PPP6R2: variants seen among roughly 807,000 people sequenced by gnomAD.
PPP6R2 encodes protein phosphatase 6 regulatory subunit 2.
PPP6R2 carries 62 observed loss-of-function variants against 100.2 expected under a neutral mutation model. The observed-to-expected ratio is 0.62, with a 90% confidence interval of 0.50 to 0.76. The LOEUF is 0.76. Ranked by LOEUF, PPP6R2 falls within the 30% of genes least tolerant of loss-of-function variation. PPP6R2 has a pLI of 0.00. For synonymous variants in PPP6R2, 525 were observed against 514.7 expected, an observed-to-expected ratio of 1.02 and a Z score of -0.27; for missense variants, 1,142 against 1,276.3, an observed-to-expected ratio of 0.89 and a Z score of 1.60.
In PPP6R2 at chr22:50,414,681, G is replaced by A. The variant is rs759051410; in HGVS notation, c.544G>A (p.Val182Ile). Residue 182 changes from valine to isoleucine, a missense_variant, in exon 5 of 24, where the codon GTC becomes ATC. Physicochemically the swap from Val to Ile is conservative, Grantham distance 29 (BLOSUM62 3). Around this residue, in one of 2 missense-constraint regions of PPP6R2, gnomAD observed 592 missense variants for 758.9 expected, o/e 0.78. Transcript: ENST00000612753. ...CVEPAGLRQD[V>I]LHWLNEEKVI... ...GGAGCCAGCCGGGCTCCGGCAGGACGTCCTGCACGTGAGTGCGGGAGTCCC... is the reference window on the plus strand; with the variant it reads ...GGAGCCAGCCGGGCTCCGGCAGGACATCCTGCACGTGAGTGCGGGAGTCCC... 15 of 1,609,996 alleles carry A rather than the reference G, an allele frequency of 9.3e-6. No individual in the cohort carries two copies. Among genetic ancestry groups the A allele is most frequent in the African/African-American group, 6.7e-5 (5 of 74,082 alleles).
Position 50,384,052 on chromosome 22 carries a change from A to G in PPP6R2, c.-16-9841A>G, listed in dbSNP as rs1171559067. 4.0e-5 allele frequency among the ~76,000 whole-genome samples: 6 copies of G among 151,646 alleles called. No homozygotes were observed. In the East Asian group the frequency reaches 9.7e-4, roughly 25 times the overall value. On this transcript the variant is annotated intron_variant, in intron 2 of 23. Coordinates refer to ENST00000612753, the MANE Select transcript of PPP6R2 (RefSeq NM_001242898.2). ...CTCCATCTCAAAAAAAAAAAAAAAA[A>G]AAGAAGGATGAACACCTTTGAGCTC... is the stretch of plus-strand genomic sequence containing the variant.
intron 1 of PPP6R2, among the ~76,000 whole-genome samples, chr22:50,346,712 C>T (rs1451218119): frequency 1.3e-5 from 2 of 149,272 alleles, no homozygotes; most frequent in African/African-American, 2.5e-5. Flanking sequence ...TGTCAGTCCG[C>T]GCACTGGTCA....
chr22:50,443,631 G>A, intron 22 of PPP6R2: 1 of 580,798 alleles, frequency 1.7e-6, no homozygotes, highest in Non-Finnish European at 3.0e-6. Context: ...GCTGCCTGGA[G>A]GAGGTTTGAG....
upstream of PPP6R2, among the ~76,000 whole-genome samples, chr22:50,339,081 G>T (rs940774807): frequency 1.5e-5 from 2 of 137,282 alleles, no homozygotes; most frequent in Admixed American, 8.1e-5. Flanking sequence ...GTGGTATGTG[G>T]TGTGTGGTGT....
At chr22:50,428,012 G>T (rs139549509) in intron 10 of PPP6R2, among the ~76,000 whole-genome samples, 2 of 149,820 alleles carry the variant, frequency 1.3e-5, no homozygotes, top group Admixed American at 6.6e-5. Flanking sequence ...GAGCCACCAC[G>T]CCCAGCCAAT....
chr22:50,415,436 G>A (rs1346181875), intron 5 of PPP6R2, among the ~76,000 whole-genome samples: 1 of 152,252 alleles, frequency 6.6e-6, no homozygotes, highest in East Asian at 1.9e-4. Context: ...CACAGGATCA[G>A]TACTAGCTGT....
intron 19 of PPP6R2, 104 bp from the exon 20 acceptor site, chr22:50,439,596 TC>T: frequency 7.8e-7 from 1 of 1,285,676 alleles, no homozygotes. Context: ...AGCCCCATCT[TC>T]CTGTCAACCT....
At chr22:50,358,515 A>T (rs558144915) in intron 1 of PPP6R2, among the ~76,000 whole-genome samples, 1 of 152,204 alleles carries the variant, frequency 6.6e-6, no homozygotes, top group South Asian at 2.1e-4. Context: ...TAAAATTAAT[A>T]TGATAAACTA....
chr22:50,339,950 AGT>A (rs369820886), upstream of PPP6R2, among the ~76,000 whole-genome samples: 41 of 39,356 alleles, frequency 1.0e-3, no homozygotes, highest in East Asian at 0.014. Flanking sequence ...TGTGTTATGT[AGT>A]GTGTGTGTGT....
In PPP6R2 at chr22:50,444,524, CGGGGTG is replaced by C. The variant is rs140356101; in HGVS notation, c.*294_*299del. 46,112 of 106,542 alleles carry C rather than the reference CGGGGTG, an allele frequency of 0.43. 5,563 individuals carry two copies. The highest frequency in any genetic ancestry group is 0.48 in the East Asian group (1,541 of 3,222). 6.6% of individuals were successfully genotyped at this position (106,542 alleles called of 1,614,324 possible). ...AGCAATAAGGTCGGCCTGCAGGAGCCGGGGTGGGGGTGGGGGTGGGGGGGGCAGGAC... is the reference window on the plus strand; with the variant it reads ...AGCAATAAGGTCGGCCTGCAGGAGCCGGGGTGGGGGTGGGGGGGGCAGGAC... On this transcript the variant is annotated 3_prime_UTR_variant, in exon 24 of 24. Coordinates refer to ENST00000612753, the MANE Select transcript of PPP6R2 (RefSeq NM_001242898.2).
At position 50,436,360 on chromosome 22, in the gene PPP6R2, C is replaced by CT; in HGVS notation, c.1517-5dup. The stretch of plus-strand genomic sequence containing the variant: ...CCAGGGCTCACCAGGCAGCACTTCC[C>CT]TTGCAGGGCTCCCTGCGGACTGCCG... On this transcript the variant is annotated splice_polypyrimidine_tract_variant and splice_region_variant and intron_variant, in intron 13 of 23. Coordinates refer to ENST00000612753, the MANE Select transcript of PPP6R2 (RefSeq NM_001242898.2). 6.4e-7 allele frequency: 1 copy of CT among 1,566,920 alleles called. No homozygotes were observed. Among genetic ancestry groups the CT allele is most frequent in the Non-Finnish European group, 8.6e-7 (1 of 1,156,210 alleles).
In PPP6R2 at chr22:50,417,430, C is replaced by T. The variant is rs532135860; in HGVS notation, c.618+1273C>T. The stretch of plus-strand genomic sequence containing the variant: ...CCCTAGGAGCCACCCACCCTGGAAG[C>T]ACCTAAGGTGACAATGGGGCTCCCT... On this transcript the variant is annotated intron_variant, in intron 6 of 23. Transcript: ENST00000612753. Among the ~76,000 whole-genome samples, 20 of 152,306 alleles carry T rather than the reference C, an allele frequency of 1.3e-4. No individual in the cohort carries two copies. In the South Asian group the frequency reaches 3.3e-3, roughly 25 times the overall value.
chr22:50,339,982 G>A (rs1326639902), upstream of PPP6R2, among the ~76,000 whole-genome samples: 5 of 137,586 alleles, frequency 3.6e-5, no homozygotes, highest in Admixed American at 1.5e-4. Flanking sequence ...TGTGTGGTAT[G>A]TAGTGTGTGT....
chr22:50,370,169 GATTTT>G (rs2049739548), intron 1 of PPP6R2, among the ~76,000 whole-genome samples: 1 of 151,832 alleles, frequency 6.6e-6, no homozygotes, highest in African/African-American at 2.4e-5. Flanking sequence ...TGAAAGATCT[GATTTT>G]ATTTTCTGAA....
At chr22:50,396,293 G>A (rs765530568) in intron 3 of PPP6R2, among the ~76,000 whole-genome samples, 93 of 150,720 alleles carry the variant, frequency 6.2e-4, no homozygotes, top group Non-Finnish European at 9.6e-4. Flanking sequence ...TCAGGAGTTC[G>A]AGACCAGCCT....
chr22:50,393,326 A>G (rs2056047340), intron 2 of PPP6R2: 4 of 927,606 alleles, frequency 4.3e-6, no homozygotes, highest in Non-Finnish European at 3.9e-6. Flanking sequence ...CAGAGGAGTG[A>G]GCGCAGGGTC....
At position 50,394,763 on chromosome 22, in the gene PPP6R2, G is replaced by A. The variant is rs184913449; in HGVS notation, c.227+628G>A. The stretch of plus-strand genomic sequence containing the variant: ...CTACTAAAAATACAAAAAATTAGCC[G>A]GGCATGGTGGCGGGCGCCCGTAGTC... On this transcript the variant is annotated intron_variant, in intron 3 of 23. Transcript: ENST00000612753. Among the ~76,000 whole-genome samples the A allele has an allele frequency of 1.2e-3, 185 of 151,694 alleles. 1 individual carries two copies. The highest frequency in any genetic ancestry group is 2.2e-3 in the Admixed American group (34 of 15,204).
At chr22:50,422,692 G>A (rs2061494888) in intron 9 of PPP6R2, among the ~76,000 whole-genome samples, 2 of 152,210 alleles carry the variant, frequency 1.3e-5, no homozygotes, top group African/African-American at 4.8e-5. Context: ...GGACCAGGGG[G>A]TGGCAGGGGA....
intron 22 of PPP6R2, among the ~76,000 whole-genome samples, chr22:50,441,670 AAG>A (rs973974883): frequency 1.0e-4 from 8 of 77,408 alleles, no homozygotes; most frequent in Middle Eastern, 5.9e-3. Flanking sequence ...TTGAGCCCCC[AAG>A]AGCCATCCCT....
Sources: allele counts gnomAD v4.1 joint callset (sites outside exome capture counted in the v4.1 genomes callset), GRCh38; gene constraint gnomAD v4.1.1; regional missense constraint gnomAD v4.1.1; transcripts MANE v1.5; gene names NCBI Gene and HGNC (gene_info 2026-07-23, HGNC 2026-07-21).